The following MTA3 variants were observed in gnomAD, a reference collection of about 807,000 sequenced individuals.
The protein encoded by MTA3 is metastasis-associated protein MTA3.
In MTA3, 34 loss-of-function variants were observed where a neutral mutation model predicts 83.5. The observed-to-expected ratio is 0.41, with a 90% CI of 0.31 to 0.54. The LOEUF is 0.54. Ranked by LOEUF, MTA3 falls within the 20% of genes least tolerant of loss-of-function variation. The pLI, the probability that MTA3 is intolerant of heterozygous loss-of-function variation, is 0.33. For missense variants in MTA3, 761 were observed against 726.4 expected (o/e 1.05, Z -0.55); for synonymous variants, 303 against 252.7 (o/e 1.20, Z -1.89).
chr2:42,509,897 A>G (rs969883964), intron 2 of MTA3, among the ~76,000 whole-genome samples: 1 of 152,214 alleles, frequency 6.6e-6, no homozygotes, highest in Non-Finnish European at 1.5e-5. Context: ...TGAGGCTGGA[A>G]TTGACCAACT....
intron 14 of MTA3, among the ~76,000 whole-genome samples, chr2:42,711,415 ATAG>A (rs922943848): frequency 6.6e-6 from 1 of 152,222 alleles, no homozygotes; most frequent in Non-Finnish European, 1.5e-5. Context: ...CATATAGATT[ATAG>A]TAATCATAAA....
At chr2:42,579,244 G>T in intron 3 of MTA3, 44 bp downstream of exon 3, 1 of 1,413,932 alleles carries the variant, frequency 7.1e-7, no homozygotes, top group Non-Finnish European at 9.6e-7. Context: ...TAAGTCTTGT[G>T]TTTTTTGTGA....
intron 16 of MTA3, among the ~76,000 whole-genome samples, chr2:42,736,271 T>G (rs910482884): frequency 6.6e-5 from 10 of 152,196 alleles, no homozygotes; most frequent in Non-Finnish European, 8.8e-5. Context: ...TCTTTTACTT[T>G]CACTCAAACA....
intron 4 of MTA3, among the ~76,000 whole-genome samples, chr2:42,619,522 G>A (rs945536345): frequency 6.6e-6 from 1 of 152,054 alleles, no homozygotes; most frequent in Non-Finnish European, 1.5e-5. Context: ...GTAAAATATT[G>A]CTGAAAGAAT....
chr2:42,604,922 T>C (rs1683058865), intron 3 of MTA3, among the ~76,000 whole-genome samples: 1 of 148,906 alleles, frequency 6.7e-6, no homozygotes, highest in Admixed American at 6.7e-5. Context: ...ATCAACAGGA[T>C]CCCAAGGCAG....
At chr2:42,731,333 A>G (rs778109247) in intron 16 of MTA3, among the ~76,000 whole-genome samples, 1 of 152,148 alleles carries the variant, frequency 6.6e-6, no homozygotes, top group Admixed American at 6.5e-5. Flanking sequence ...GTAGGCTTGT[A>G]TTAGTCTGTT....
At chr2:42,545,585 TC>T (rs1676725607) in intron 2 of MTA3, among the ~76,000 whole-genome samples, 1 of 151,960 alleles carries the variant, frequency 6.6e-6, no homozygotes, top group Non-Finnish European at 1.5e-5. Flanking sequence ...AGCAGAGGAA[TC>T]TGGTTTCTTA....
intron 3 of MTA3, among the ~76,000 whole-genome samples, chr2:42,608,404 A>G (rs1017230315): frequency 2.0e-5 from 3 of 152,240 alleles, no homozygotes; most frequent in Non-Finnish European, 4.4e-5. Context: ...GAATATCCAA[A>G]GAATTTTAAA....
chr2:42,742,142 CTT>C (rs779331968), intron 16 of MTA3, among the ~76,000 whole-genome samples: 9 of 141,088 alleles, frequency 6.4e-5, no homozygotes, highest in Non-Finnish European at 7.7e-5. Context: ...TTCTTTCTTT[CTT>C]TTTTTTTTTT....
At chr2:42,700,676 A>G (rs1168740981) in intron 11 of MTA3, among the ~76,000 whole-genome samples, 1 of 152,198 alleles carries the variant, frequency 6.6e-6, no homozygotes, top group East Asian at 1.9e-4. Context: ...TTCTATCTAT[A>G]TATAGTAGAT....
At chr2:42,723,329 C>T (rs559603938) in intron 16 of MTA3, 15 of 308,442 alleles carry the variant, frequency 4.9e-5, no homozygotes, top group South Asian at 2.9e-4. Flanking sequence ...TGCTGTGATG[C>T]GCGCTCACTG....
At position 42,600,197 on chromosome 2, in the gene MTA3, C is replaced by CA. The variant is rs928104506; in HGVS notation, c.191-9253dup. On this transcript the variant is annotated intron_variant, in intron 3 of 16. Coordinates refer to ENST00000405094, the MANE Select transcript of MTA3 (RefSeq NM_001330442.2). The stretch of plus-strand genomic sequence containing the variant: ...TGGGCAACAGAGCGAGACTCTGTCT[C>CA]AAAAAAAACAAAACAAAACAAAAAA... Among the ~76,000 whole-genome samples the CA allele has an allele frequency of 7.2e-5, 11 of 151,892 alleles. No individual in the cohort carries two copies. The East Asian group carries it at 1.7e-3, about 24-fold the overall frequency.
At chr2:42,742,823 T>G (rs1407107751) in intron 16 of MTA3, among the ~76,000 whole-genome samples, 4 of 152,244 alleles carry the variant, frequency 2.6e-5, no homozygotes, top group African/African-American at 7.2e-5. Context: ...AGTACCTTCC[T>G]TATAACTATA....
chr2:42,702,423 C>G (rs758833340), intron 11 of MTA3: 1 of 152,134 alleles, frequency 6.6e-6, no homozygotes, highest in African/African-American at 2.4e-5. Flanking sequence ...TAAGTAGGGT[C>G]TTTGCTGTCA....
intron 3 of MTA3, among the ~76,000 whole-genome samples, chr2:42,586,332 C>A (rs1006397370): frequency 6.6e-6 from 1 of 150,404 alleles, no homozygotes; most frequent in African/African-American, 2.4e-5. Flanking sequence ...CGCCTGTAAT[C>A]CAAGCACTTT....
At chr2:42,599,083 G>A (rs1202879153) in intron 3 of MTA3, among the ~76,000 whole-genome samples, 1 of 152,158 alleles carries the variant, frequency 6.6e-6, no homozygotes, top group African/African-American at 2.4e-5. Flanking sequence ...ACAGCTCAGG[G>A]CTCAGGACGG....
At chr2:42,734,214 G>T (rs999378452) in intron 16 of MTA3, among the ~76,000 whole-genome samples, 2 of 152,044 alleles carry the variant, frequency 1.3e-5, no homozygotes, top group East Asian at 3.9e-4. Context: ...GTGCTCCAGT[G>T]CTTGGTGCAT....
chr2:42,598,681 A>G (rs1278205911), intron 3 of MTA3, among the ~76,000 whole-genome samples: 1 of 152,196 alleles, frequency 6.6e-6, no homozygotes, highest in African/African-American at 2.4e-5. Flanking sequence ...TATGGGGCAG[A>G]TAAATTAACG....
chr2:42,731,391 TTTA>T (rs1668219343), intron 16 of MTA3, among the ~76,000 whole-genome samples: 1 of 152,162 alleles, frequency 6.6e-6, no homozygotes, highest in African/African-American at 2.4e-5. Flanking sequence ...GAAAAAGAGG[TTTA>T]ATTGGACTTA....
Sources: gnomAD v4.1 joint callset for allele counts (sites outside exome capture counted in the v4.1 genomes callset) on GRCh38, gnomAD v4.1.1 for gene constraint, MANE v1.5 for transcripts, NCBI Gene and HGNC (gene_info 2026-07-23, HGNC 2026-07-21) for gene names.